Variants in SKIL observed in about 807,000 individuals in gnomAD.
SKIL encodes SKI like proto-oncogene, also known as ski-like protein.
A neutral mutation model predicts 69.6 loss-of-function variants in SKIL; 20 were observed. That is an observed-to-expected ratio of 0.29 (90% confidence interval 0.20 to 0.42). The LOEUF (loss-of-function observed/expected upper bound fraction) is 0.42, where lower values mean the gene tolerates loss of function less well. Ranked by LOEUF, SKIL falls within the 10% of genes least tolerant of loss-of-function variation. SKIL has a pLI of 1.00. For missense variants in SKIL, 745 were observed against 783.1 expected (o/e 0.95, Z 0.58); for synonymous variants, 310 against 279.9 (o/e 1.11, Z -1.08).
chr3:170,362,763 C>T (rs1002811486), intron 2 of SKIL, among the ~76,000 whole-genome samples: 21 of 150,768 alleles, frequency 1.4e-4, no homozygotes, highest in African/African-American at 4.4e-4. Context: ...TGCAGTAAGC[C>T]GAGATCACGC....
At position 170,360,795 on chromosome 3, in the gene SKIL, CTTG is replaced by C; in HGVS notation, c.467_469del (p.Cys156del). ...ACTGTGTTGGAAGGGGAATCTATTT[CTTG>C]TTTTCAAGTTGGAGGAGAAAAGAGA... is the stretch of plus-strand genomic sequence containing the variant. On this transcript the variant is annotated inframe_deletion, in exon 2 of 7. Transcript: ENST00000259119. The C allele has an allele frequency of 6.2e-7, 1 of 1,614,188 alleles. No individual in the cohort carries two copies. The highest frequency in any genetic ancestry group is 8.5e-7 in the Non-Finnish European group (1 of 1,180,024).
chr3:170,393,314 A>T lies in SKIL; in HGVS notation c.*897A>T, dbSNP rs116606740. On this transcript the variant is annotated 3_prime_UTR_variant, in exon 7 of 7. Transcript: ENST00000259119. Reference sequence around the variant, plus strand: ...AGTCTTACTAAAATTTATATAATGGACTTGTTTTCCTTTAAGTTGTAAAAT... The same window carrying T: ...AGTCTTACTAAAATTTATATAATGGTCTTGTTTTCCTTTAAGTTGTAAAAT... 319 of 152,152 alleles carry T rather than the reference A, an allele frequency of 2.1e-3. 2 individuals are homozygous for T. Among genetic ancestry groups the T allele is most frequent in the African/African-American group, 7.3e-3 (305 of 41,508 alleles). The allele number at this position is 152,152 out of a possible 1,614,324, so 9.4% of individuals were successfully genotyped here. A position where few individuals can be genotyped will look rare whatever the true frequency, so the allele number is the denominator to read the frequency against.
chr3:170,373,657 A>G (rs896163633), intron 2 of SKIL, among the ~76,000 whole-genome samples: 1 of 152,184 alleles, frequency 6.6e-6, no homozygotes, highest in African/African-American at 2.4e-5. Context: ...GTGCCACCTA[A>G]AAGCAAGATT....
intron 4 of SKIL, 35 bp from the exon 5 acceptor site, chr3:170,390,188 T>C (rs752861228): frequency 1.3e-6 from 2 of 1,503,920 alleles, no homozygotes; most frequent in East Asian, 4.5e-5. Context: ...TGGAGTGATA[T>C]TCATACTTTG....
chr3:170,372,786 A>G (rs1736853023), intron 2 of SKIL, among the ~76,000 whole-genome samples: 1 of 152,162 alleles, frequency 6.6e-6, no homozygotes, highest in South Asian at 2.1e-4. Flanking sequence ...TAAGGTTGCT[A>G]ATGATTTATT....
chr3:170,362,834 A>G (rs113522532), intron 2 of SKIL, among the ~76,000 whole-genome samples: 24 of 148,490 alleles, frequency 1.6e-4, no homozygotes, highest in African/African-American at 6.0e-4. Flanking sequence ...AAACACAACC[A>G]CCTATCAGCC....
Position 170,361,061 on chromosome 3 carries a change from A to T in SKIL, c.730A>T (p.Ser244Cys). The T allele has an allele frequency of 6.2e-7, 1 of 1,614,232 alleles. No homozygotes were observed. Among genetic ancestry groups the T allele is most frequent in the Non-Finnish European group, 8.5e-7 (1 of 1,180,044 alleles). ...LRPRTFPQNG[S>C]VLPAKSSLAQ... ...GCCACGAACTTTTCCTCAAAATGGT[A>T]GCGTACTTCCTGCTAAAAGCTCATT... The change falls in exon 2 of 7, where the codon AGC becomes TGC. Residue 244 changes from serine to cysteine, a missense_variant. Ser to Cys is a moderately radical substitution (Grantham distance 112, BLOSUM62 -1). Coordinates refer to ENST00000259119, the MANE Select transcript of SKIL (RefSeq NM_005414.5).
chr3:170,367,592 T>C (rs1380994702), intron 2 of SKIL, among the ~76,000 whole-genome samples: 1 of 151,884 alleles, frequency 6.6e-6, no homozygotes, highest in African/African-American at 2.4e-5. Context: ...TCAGTGTCCC[T>C]AGTAGCTGGG....
Position 170,361,442 on chromosome 3 carries a change from T to A in SKIL, c.1098+13T>A. ...AAATCAATCCAAGGCAAGTTTTTTA[T>A]ATCAATTTTTAATAATGGTAATGGT... On this transcript the variant is annotated intron_variant, in intron 2 of 6. Transcript: ENST00000259119. 6.6e-7 allele frequency: 1 copy of A among 1,524,336 alleles called. No homozygotes were observed. The highest frequency in any genetic ancestry group is 8.8e-7 in the Non-Finnish European group (1 of 1,135,722). The allele number at this position is 1,524,336 out of a possible 1,614,324, so 94.4% of individuals were successfully genotyped here. A position where few individuals can be genotyped will look rare whatever the true frequency, so the allele number is the denominator to read the frequency against.
At chr3:170,389,594 G>A (rs903608089) in intron 4 of SKIL, among the ~76,000 whole-genome samples, 91 of 152,280 alleles carry the variant, frequency 6.0e-4, no homozygotes, top group African/African-American at 2.1e-3. Flanking sequence ...GATTACAGGC[G>A]TGAGCCACCG....
intron 1 of SKIL, 62 bp from the exon 2 acceptor site, chr3:170,359,637 C>T (rs2108889157): frequency 6.6e-6 from 1 of 152,078 alleles, no homozygotes; most frequent in South Asian, 2.1e-4. Flanking sequence ...TCAAATTGGC[C>T]CTTTGGCCTC....
At chr3:170,367,575 T>A (rs1031239596) in intron 2 of SKIL, among the ~76,000 whole-genome samples, 1 of 151,828 alleles carries the variant, frequency 6.6e-6, no homozygotes, top group Non-Finnish European at 1.5e-5. Flanking sequence ...CAAGCAATTC[T>A]CCTGCCTCAG....
At chr3:170,366,355 CTCTT>C (rs1253816335) in intron 2 of SKIL, among the ~76,000 whole-genome samples, 1 of 151,890 alleles carries the variant, frequency 6.6e-6, no homozygotes, top group Non-Finnish European at 1.5e-5. Flanking sequence ...TAGCTAATAA[CTCTT>C]TCTTACTCAA....
intron 3 of SKIL, among the ~76,000 whole-genome samples, chr3:170,384,049 A>C (rs542620282): frequency 1.4e-4 from 21 of 152,056 alleles, no homozygotes; most frequent in African/African-American, 1.4e-4. Flanking sequence ...AAAAAAAAAA[A>C]AAACACGAAA....
At chr3:170,370,438 A>AGG (rs1404006411) in intron 2 of SKIL, among the ~76,000 whole-genome samples, 1 of 12,390 alleles carries the variant, frequency 8.1e-5, no homozygotes, top group Non-Finnish European at 1.6e-4. Context: ...AGAGAGAGAG[A>AGG]GCCCCCCCCC....
intron 2 of SKIL, among the ~76,000 whole-genome samples, chr3:170,376,714 T>A (rs1737051719): frequency 6.6e-6 from 1 of 152,140 alleles, no homozygotes; most frequent in African/African-American, 2.4e-5. Flanking sequence ...TAGCTGGGAC[T>A]ACAGGCACAC....
chr3:170,374,243 A>T (rs1424878823), intron 2 of SKIL, among the ~76,000 whole-genome samples: 2 of 127,670 alleles, frequency 1.6e-5, no homozygotes, highest in South Asian at 2.8e-4. Context: ...ATTCATAGAC[A>T]TTTGGAGTTT....
chr3:170,390,979 A>G, intron 5 of SKIL, 57 bp from the exon 6 acceptor site: 2 of 971,654 alleles, frequency 2.1e-6, no homozygotes, highest in Non-Finnish European at 3.2e-6. Flanking sequence ...CCAGAACTGA[A>G]AATTTTAACA....
intron 1 of SKIL, among the ~76,000 whole-genome samples, chr3:170,358,207 C>T (rs1471401640): frequency 6.6e-6 from 1 of 152,262 alleles, no homozygotes; most frequent in East Asian, 1.9e-4. Flanking sequence ...CGTTCTGGCC[C>T]GGGGCTGGCG....
Sources: gnomAD v4.1 joint callset for allele counts (sites outside exome capture counted in the v4.1 genomes callset) on GRCh38, gnomAD v4.1.1 for gene constraint, MANE v1.5 for transcripts, NCBI Gene and HGNC (gene_info 2026-07-23, HGNC 2026-07-21) for gene names.